MRNIP: variants seen among roughly 807,000 people sequenced by gnomAD.
MRNIP encodes MRN complex interacting protein, also known as MRN complex-interacting protein.
MRNIP carries 30 observed loss-of-function variants against 29.8 expected under a neutral mutation model. The observed-to-expected ratio is 1.01, with a 90% confidence interval of 0.75 to 1.36. The LOEUF (loss-of-function observed/expected upper bound fraction) is 1.36. MRNIP is among the 40% of genes most tolerant of loss of function. The probability of loss-of-function intolerance (pLI) is 0.00; values close to 1 mark genes in which losing one functional copy is unlikely to be tolerated. For synonymous variants in MRNIP, 201 were observed against 164.1 expected (o/e 1.23, Z -1.72); for missense variants, 459 against 423.5 (o/e 1.08, Z -0.74).
intron 3 of MRNIP, chr5:179,846,265 C>T (rs155793): frequency 0.066 from 10,036 of 151,042 alleles, 369 homozygotes; most frequent in Middle Eastern, 0.13. Flanking sequence ...CTACTTGGAA[C>T]TTTTTCTTTG....
At chr5:179,857,446 T>A (rs1327555237) in intron 1 of MRNIP, among the ~76,000 whole-genome samples, 2 of 150,594 alleles carry the variant, frequency 1.3e-5, no homozygotes, top group African/African-American at 4.9e-5. Context: ...GGCGACAGAG[T>A]GAGACGTGAG....
chr5:179,858,682 C>T, intron 1 of MRNIP, 49 bp downstream of exon 1: 3 of 1,253,608 alleles, frequency 2.4e-6, no homozygotes, highest in Non-Finnish European at 2.2e-6. Flanking sequence ...CACTCCCCGT[C>T]CGCTGTCCCC....
chr5:179,853,903 G>C (rs1358506002), intron 1 of MRNIP, among the ~76,000 whole-genome samples: 1 of 151,990 alleles, frequency 6.6e-6, no homozygotes, highest in Non-Finnish European at 1.5e-5. Flanking sequence ...GTAGAGATGG[G>C]GTTTCACCAT....
chr5:179,856,100 G>A (rs1021527389), intron 1 of MRNIP, among the ~76,000 whole-genome samples: 1 of 151,876 alleles, frequency 6.6e-6, no homozygotes, highest in Non-Finnish European at 1.5e-5. Context: ...TAGAGACGGG[G>A]TTTCACAACA....
intron 1 of MRNIP, 82 bp from the exon 2 acceptor site, chr5:179,853,519 G>A: frequency 8.5e-7 from 1 of 1,172,052 alleles, no homozygotes; most frequent in Admixed American, 1.8e-5. Context: ...GCTCATGCCT[G>A]TAATCCCCCT....
intron 4 of MRNIP, among the ~76,000 whole-genome samples, chr5:179,843,045 G>GAGGAAAGAAGGAAGGAAGGAAA (rs57258808): frequency 9.1e-6 from 1 of 109,696 alleles, no homozygotes; most frequent in African/African-American, 3.3e-5. Flanking sequence ...GAGGAAAGAA[G>GAGGAAAGAAGGAAGGAAGGAAA]GAAGGAAGGA....
intron 2 of MRNIP, chr5:179,851,318 G>A (rs975376701): frequency 5.7e-5 from 26 of 455,934 alleles, no homozygotes; most frequent in Non-Finnish European, 1.1e-4. Flanking sequence ...AGTCAGCCTG[G>A]GCCAACCAGG....
intron 3 of MRNIP, 175 bp from the exon 4 acceptor site, chr5:179,844,402 G>C: frequency 5.6e-6 from 3 of 533,698 alleles, no homozygotes; most frequent in South Asian, 4.2e-5. Flanking sequence ...CAGCTACTCA[G>C]GAGGCTGAGG....
intron 1 of MRNIP, among the ~76,000 whole-genome samples, chr5:179,854,432 G>A (rs558847538): frequency 6.6e-6 from 1 of 152,162 alleles, no homozygotes; most frequent in Non-Finnish European, 1.5e-5. Context: ...AGTGAGAAAA[G>A]AACAGACTAT....
chr5:179,847,214 C>CTGGA (rs1759176488), intron 3 of MRNIP: 1 of 128,006 alleles, frequency 7.8e-6, no homozygotes, highest in African/African-American at 2.9e-5. Context: ...GTCGCCCAGG[C>CTGGA]TGGAGCGCAA....
intron 4 of MRNIP, 68 bp from the exon 5 acceptor site, chr5:179,842,132 C>T (rs1758907392): frequency 6.7e-7 from 1 of 1,501,304 alleles, no homozygotes; most frequent in Non-Finnish European, 9.1e-7. Context: ...AAACCCCTAG[C>T]CCAACTCTTG....
chr5:179,848,137 T>C, intron 2 of MRNIP, 71 bp from the exon 3 acceptor site: 1 of 1,167,974 alleles, frequency 8.6e-7, no homozygotes, highest in Non-Finnish European at 1.3e-6. Context: ...CCATTTGAGA[T>C]GCACCTCAGG....
chr5:179,841,894 A>T lies in MRNIP; in HGVS notation c.449+13T>A, dbSNP rs1758895887. 1 of 1,612,526 alleles carries T rather than the reference A, an allele frequency of 6.2e-7. No homozygotes were observed. The highest frequency in any genetic ancestry group is 1.7e-5 in the Admixed American group (1 of 59,900). On this transcript the variant is annotated intron_variant, in intron 5 of 6. Coordinates refer to ENST00000292586, the MANE Select transcript of MRNIP (RefSeq NM_016175.4). The stretch of plus-strand genomic sequence containing the variant: ...GCCCTGGGCCAGGGCTGGAACGGAG[A>T]CGCACTTGGTACCTTTTTCTAGGCA...
chr5:179,840,649 G>C (rs1484715573), intron 6 of MRNIP: 3 of 591,646 alleles, frequency 5.1e-6, no homozygotes, highest in African/African-American at 3.7e-5. Context: ...AATGCTCTTT[G>C]GTCCTGAGTT....
Position 179,858,793 on chromosome 5 carries a change from C to G in MRNIP, c.4G>C (p.Ala2Pro), listed in dbSNP as rs769698526. The G allele has an allele frequency of 1.9e-6, 3 of 1,540,892 alleles. No homozygotes were observed. The highest frequency in any genetic ancestry group is 2.6e-6 in the Non-Finnish European group (3 of 1,144,280). The stretch of plus-strand genomic sequence containing the variant: ...AGCACCCGAGAACGCTGAAGCGACG[C>G]CATCCCTGCTTGTGCAGTCGCCAGG... M[A>P]SLQRSRVLRC... Residue 2 changes from alanine (A) to proline (P), a missense_variant, in exon 1 of 7, where the codon GCG becomes CCG. Coordinates refer to ENST00000292586, the MANE Select transcript of MRNIP (RefSeq NM_016175.4).
chr5:179,856,275 G>C (rs570066579), intron 1 of MRNIP, among the ~76,000 whole-genome samples: 44 of 152,250 alleles, frequency 2.9e-4, no homozygotes, highest in Middle Eastern at 6.8e-3. Context: ...GAACTGCTGA[G>C]ATAGTATGGT....
At chr5:179,858,171 G>C (rs902378547) in intron 1 of MRNIP, among the ~76,000 whole-genome samples, 1 of 149,780 alleles carries the variant, frequency 6.7e-6, no homozygotes, top group African/African-American at 2.4e-5. Context: ...AAAAGGTTAA[G>C]TGGCATTCTC....
At chr5:179,845,204 CTTCT>C (rs1391705327) in intron 3 of MRNIP, among the ~76,000 whole-genome samples, 1 of 122,740 alleles carries the variant, frequency 8.1e-6, no homozygotes, top group African/African-American at 5.1e-5. Flanking sequence ...TTTTTAATTT[CTTCT>C]TTTTTTTTTG....
rs1759089468 is a variant in MRNIP, at chr5:179,845,495, ACT to A, written c.216-1270_216-1269del. Among the ~76,000 whole-genome samples the A allele has an allele frequency of 2.0e-5, 3 of 149,306 alleles. No homozygotes were observed. In the South Asian group the frequency reaches 6.3e-4, roughly 31 times the overall value. ...ATGATTATACTTTTAAGTTCTACAA[ACT>A]CTTTTATTTTTTAAAGACAGAGTCT... On this transcript the variant is annotated intron_variant, in intron 3 of 6. Transcript: ENST00000292586.
Sources: allele counts gnomAD v4.1 joint callset (sites outside exome capture counted in the v4.1 genomes callset), GRCh38; gene constraint gnomAD v4.1.1; transcripts MANE v1.5; gene names NCBI Gene and HGNC (gene_info 2026-07-23, HGNC 2026-07-21).